The following CHFR variants were observed in gnomAD, a reference collection of about 807,000 sequenced individuals.
CHFR encodes checkpoint with forkhead and ring finger domains.
Under a neutral mutation model 87.6 loss-of-function variants are expected in CHFR, and 57 were observed. The observed-to-expected ratio is 0.65, with a 90% confidence interval of 0.53 to 0.81. The LOEUF (loss-of-function observed/expected upper bound fraction) is 0.81. CHFR is among the 30% of genes least tolerant of loss of function. The pLI is 0.00. For synonymous variants in CHFR, 381 were observed against 359.2 expected (o/e 1.06, Z -0.69); for missense variants, 797 against 865.8 (o/e 0.92, Z 1.00).
intron 3 of CHFR, among the ~76,000 whole-genome samples, chr12:132,872,966 A>G (rs1274992092): frequency 1.3e-5 from 2 of 152,184 alleles, no homozygotes; most frequent in Non-Finnish European, 2.9e-5. Flanking sequence ...CTGCTGACCC[A>G]GGGACAGACA....
rs1555269000 is a variant in CHFR, at chr12:132,846,276, T to TTTTG, written c.1735+766_1735+767insCAAA. ...ATGCTTAACTGTCTTTTTTTTTTTT[T>TTTTG]TTTTGAGACGGAGTCTCGCTCTGTC... On this transcript the variant is annotated intron_variant, in intron 15 of 17. Coordinates refer to ENST00000450056, the MANE Select transcript of CHFR (RefSeq NM_001161346.2). 1.8e-3 allele frequency among the ~76,000 whole-genome samples: 278 copies of TTTTG among 150,854 alleles called. 7 individuals are homozygous for TTTTG. The East Asian group carries it at 0.046, about 25-fold the overall frequency.
At chr12:132,847,247 A>G (rs1950851211) in intron 14 of CHFR, 117 bp from the exon 15 acceptor site, 2 of 1,483,124 alleles carry the variant, frequency 1.3e-6, no homozygotes, top group Non-Finnish European at 9.0e-7. Flanking sequence ...CAAAGCTCAG[A>G]CCCTTATAAG....
chr12:132,873,267 G>C (rs1026911745), intron 3 of CHFR, among the ~76,000 whole-genome samples: 1 of 152,176 alleles, frequency 6.6e-6, no homozygotes, highest in African/African-American at 2.4e-5. Context: ...TGTAGGTTTT[G>C]TGGTCACCAT....
rs1950676568 is a variant in CHFR at position 132,839,651 on chromosome 12, C to A, written c.*1903G>T. The A allele has an allele frequency of 5.9e-6, 1 of 170,436 alleles. No homozygotes were observed. The highest frequency in any genetic ancestry group is 2.5e-5 in the African/African-American group (1 of 40,496). 10.6% of individuals were successfully genotyped at this position (170,436 alleles called of 1,614,324 possible). A position where few individuals can be genotyped will look rare whatever the true frequency, so the allele number is the denominator to read the frequency against. On this transcript the variant is annotated 3_prime_UTR_variant, in exon 18 of 18. Coordinates refer to ENST00000450056, the MANE Select transcript of CHFR (RefSeq NM_001161346.2). ...CTCCCCTCTCAGCCTCGCCTCTGCA[C>A]AAACTCAGGACCTCCCCTCTCCCTC...
At position 132,843,978 on chromosome 12, in the gene CHFR, A is replaced by G. The variant is rs535053119; in HGVS notation, c.1843+49T>C. On this transcript the variant is annotated intron_variant, in intron 16 of 17. Transcript: ENST00000450056. ...AAAAAAAGAGAGGCAGAAGCCAAGA[A>G]GCCAACCCAGACAGAACTAGAGCCA... 4 of 1,255,088 alleles carry G rather than the reference A, an allele frequency of 3.2e-6. No individual in the cohort carries two copies. In the East Asian group the frequency reaches 9.3e-5, roughly 29 times the overall value. 77.7% of individuals were successfully genotyped at this position (1,255,088 alleles called of 1,614,324 possible).
At chr12:132,848,396 G>A (rs2136933293) in intron 13 of CHFR, 3 of 755,610 alleles carry the variant, frequency 4.0e-6, no homozygotes, top group Non-Finnish European at 6.7e-6. Flanking sequence ...CGTAACAGCA[G>A]AACCCCGCTG....
chr12:132,834,552 GTTCCTTCTGGTGGC>G lies in CHFR; in HGVS notation c.*6988_*7001del, dbSNP rs1950633571. On this transcript the variant is annotated 3_prime_UTR_variant, in exon 18 of 18. Transcript: ENST00000450056. ...CAAAATGAAGGGGCAGGCAGGGCTG[GTTCCTTCTGGTGGC>G]CCTGCAGGGAGATCTGTTTTCTTTT... 6.6e-6 allele frequency: 1 copy of G among 152,212 alleles called. No homozygotes were observed. Among genetic ancestry groups the G allele is most frequent in the Admixed American group, 6.5e-5 (1 of 15,272 alleles). 9.4% of individuals were successfully genotyped at this position (152,212 alleles called of 1,614,324 possible). A position where few individuals can be genotyped will look rare whatever the true frequency, so the allele number is the denominator to read the frequency against.
In CHFR at chr12:132,848,172, G is replaced by A. The variant is rs775232160; in HGVS notation, c.1577-17C>T. 2.5e-6 allele frequency: 4 copies of A among 1,614,064 alleles called. No homozygotes were observed. Among genetic ancestry groups the A allele is most frequent in the South Asian group, 1.1e-5 (1 of 91,058 alleles). The stretch of plus-strand genomic sequence containing the variant: ...GGTTGAGCTCTGCCGAGATGAAGGG[G>A]CAATGTTACCTGTTTATAATGATGT... On this transcript the variant is annotated splice_polypyrimidine_tract_variant and intron_variant, in intron 13 of 17. Transcript: ENST00000450056.
At position 132,840,548 on chromosome 12, in the gene CHFR, T is replaced by C. The variant is rs1265543823; in HGVS notation, c.*1006A>G. On this transcript the variant is annotated 3_prime_UTR_variant, in exon 18 of 18. Transcript: ENST00000450056. ...CAACAAAAGATAAAAAACTTTTTTT[T>C]CCAAAAATCAAAATTTCAAGTATTA... 1 of 152,648 alleles carries C rather than the reference T, an allele frequency of 6.6e-6. No individual in the cohort carries two copies. The highest frequency in any genetic ancestry group is 2.4e-5 in the African/African-American group (1 of 41,466). The allele number at this position is 152,648 out of a possible 1,614,324, so 9.5% of individuals were successfully genotyped here. A position where few individuals can be genotyped will look rare whatever the true frequency, so the allele number is the denominator to read the frequency against.
At position 132,858,079 on chromosome 12, in the gene CHFR, A is replaced by C. The variant is rs1285252965; in HGVS notation, c.912-520T>G. Among the ~76,000 whole-genome samples the C allele has an allele frequency of 5.9e-5, 9 of 152,342 alleles. No individual in the cohort carries two copies. In the East Asian group the frequency reaches 1.7e-3, roughly 29 times the overall value. On this transcript the variant is annotated intron_variant, in intron 8 of 17. Transcript: ENST00000450056. The stretch of plus-strand genomic sequence containing the variant: ...CACGAGTAGAATGAAAGTGGTAGCC[A>C]TGCGGGGTGGCTCACGTCTGTAATC...
At chr12:132,882,061 G>A (rs1233754399) in intron 2 of CHFR, among the ~76,000 whole-genome samples, 1 of 152,142 alleles carries the variant, frequency 6.6e-6, no homozygotes, top group African/African-American at 2.4e-5. Context: ...ACTTAGCTAA[G>A]AGAAAAATGT....
chr12:132,887,166 C>G (rs1363524702), intron 2 of CHFR, 30 bp downstream of exon 2: 3 of 1,453,276 alleles, frequency 2.1e-6, no homozygotes, highest in Non-Finnish European at 9.0e-7. Context: ...TGCCCGGCCC[C>G]GGCCCCCGGC....
intron 6 of CHFR, among the ~76,000 whole-genome samples, chr12:132,863,137 C>T (rs1951254097): frequency 1.3e-5 from 2 of 149,654 alleles, no homozygotes; most frequent in African/African-American, 4.9e-5. Flanking sequence ...ACCTCGTGAT[C>T]CACCCACCTC....
intron 15 of CHFR, among the ~76,000 whole-genome samples, chr12:132,844,409 T>C (rs76708933): frequency 3.3e-5 from 5 of 150,876 alleles, no homozygotes; most frequent in South Asian, 2.1e-4. Flanking sequence ...CTCAGCCTCC[T>C]GAGTAGCTGG....
At chr12:132,873,133 G>A (rs565310626) in intron 3 of CHFR, among the ~76,000 whole-genome samples, 1 of 152,268 alleles carries the variant, frequency 6.6e-6, no homozygotes, top group African/African-American at 2.4e-5. Flanking sequence ...AAACCACACA[G>A]GCCTCAGCTC....
chr12:132,872,241 A>AC (rs753265127), intron 4 of CHFR, 44 bp downstream of exon 4: 61 of 1,268,090 alleles, frequency 4.8e-5, no homozygotes, highest in African/African-American at 1.6e-4. Flanking sequence ...CCTCACGTGC[A>AC]CCCCCGTGCG....
chr12:132,848,199 G>T (rs199870613), intron 13 of CHFR, 44 bp from the exon 14 acceptor site: 2 of 1,613,516 alleles, frequency 1.2e-6, no homozygotes, highest in African/African-American at 2.7e-5. Flanking sequence ...TAATGATGTC[G>T]CAGGAAAGCA....
chr12:132,885,497 T>C (rs1005318736), intron 2 of CHFR, among the ~76,000 whole-genome samples: 2 of 152,140 alleles, frequency 1.3e-5, no homozygotes, highest in Admixed American at 1.3e-4. Context: ...TATTTTGCTA[T>C]GGTAGTATGA....
At position 132,872,370 on chromosome 12, in the gene CHFR, C is replaced by T. The variant is rs1593510822; in HGVS notation, c.258G>A (p.Lys86=). 4 of 1,612,190 alleles carry T rather than the reference C, an allele frequency of 2.5e-6. No homozygotes were observed. In the East Asian group the frequency reaches 8.9e-5, roughly 36 times the overall value. ...DTSTSGTVIN[K]LKVVKKQTCP... Reference sequence around the variant, plus strand: ...ATGTCTGCTTCTTAACAACCTTCAGCTTGTTAATCACTGTTCCACTGGTGC... The same window carrying T: ...ATGTCTGCTTCTTAACAACCTTCAGTTTGTTAATCACTGTTCCACTGGTGC... Residue 86 remains lysine, a synonymous_variant, in exon 4 of 18, where the codon AAG becomes AAA. Transcript: ENST00000450056.
Sources: gnomAD v4.1 joint callset for allele counts (sites outside exome capture counted in the v4.1 genomes callset) on GRCh38, gnomAD v4.1.1 for gene constraint, MANE v1.5 for transcripts, NCBI Gene and HGNC (gene_info 2026-07-23, HGNC 2026-07-21) for gene names.